Variants in NOS1AP observed in about 807,000 individuals in gnomAD.
The protein encoded by NOS1AP is nitric oxide synthase 1 adaptor protein.
NOS1AP carries 21 observed loss-of-function variants against 56.2 expected under a neutral mutation model. That is an observed-to-expected ratio of 0.37 (90% CI 0.26 to 0.54). The LOEUF (loss-of-function observed/expected upper bound fraction) is 0.54, where lower values mean the gene tolerates loss of function less well. Ranked by LOEUF, NOS1AP falls within the 20% of genes least tolerant of loss-of-function variation. The pLI, the probability that NOS1AP is intolerant of heterozygous loss-of-function variation, is 0.84. For synonymous variants in NOS1AP, 270 were observed against 274.6 expected (o/e 0.98, Z 0.17); for missense variants, 522 against 657.8 (o/e 0.79, Z 2.26).
At chr1:162,256,553 C>T (rs77676017) in intron 2 of NOS1AP, among the ~76,000 whole-genome samples, 5,884 of 152,224 alleles carry the variant, frequency 0.039, 254 homozygotes, top group African/African-American at 0.11. Context: ...TTGTACTTGG[C>T]CACATTTGCT....
chr1:162,364,820 A>G (rs1047434329), intron 8 of NOS1AP: 1 of 988,046 alleles, frequency 1.0e-6, no homozygotes, highest in Admixed American at 5.9e-5. Context: ...CAGCTGCCTC[A>G]CTAATTTAAA....
intron 2 of NOS1AP, among the ~76,000 whole-genome samples, chr1:162,268,837 A>T (rs923982288): frequency 1.6e-4 from 25 of 152,138 alleles, no homozygotes; most frequent in Admixed American, 6.5e-5. Context: ...GAATAGAAAT[A>T]CAAGTTAGAA....
At chr1:162,140,790 A>G (rs762108183) in intron 1 of NOS1AP, among the ~76,000 whole-genome samples, 1 of 152,046 alleles carries the variant, frequency 6.6e-6, no homozygotes, top group Non-Finnish European at 1.5e-5. Flanking sequence ...CCTTTTCTCC[A>G]CAACCTGACC....
chr1:162,203,448 G>A (rs1486265303), intron 2 of NOS1AP, among the ~76,000 whole-genome samples: 1 of 152,148 alleles, frequency 6.6e-6, no homozygotes, highest in Non-Finnish European at 1.5e-5. Context: ...CATCTACAAA[G>A]TATCTACTTT....
At chr1:162,111,380 C>T (rs1056488507) in intron 1 of NOS1AP, among the ~76,000 whole-genome samples, 1 of 152,224 alleles carries the variant, frequency 6.6e-6, no homozygotes, top group Non-Finnish European at 1.5e-5. Context: ...ATCCTCATCC[C>T]AGCCCCCTGG....
intron 1 of NOS1AP, among the ~76,000 whole-genome samples, chr1:162,115,915 G>A (rs1647931169): frequency 6.6e-6 from 1 of 152,152 alleles, no homozygotes; most frequent in Non-Finnish European, 1.5e-5. Context: ...CTGAGAATTT[G>A]TACTGGTCTC....
intron 2 of NOS1AP, among the ~76,000 whole-genome samples, chr1:162,237,219 A>G (rs1199629753): frequency 1.3e-5 from 2 of 152,206 alleles, no homozygotes; most frequent in Non-Finnish European, 2.9e-5. Context: ...TAACTGGGCA[A>G]ATTCTCATTA....
At chr1:162,126,593 G>A (rs1208007375) in intron 1 of NOS1AP, among the ~76,000 whole-genome samples, 1 of 150,398 alleles carries the variant, frequency 6.6e-6, no homozygotes, top group Non-Finnish European at 1.5e-5. Context: ...AATCATCCAT[G>A]CAAGTATATG....
chr1:162,081,320 C>T (rs1292496163), intron 1 of NOS1AP, among the ~76,000 whole-genome samples: 1 of 151,998 alleles, frequency 6.6e-6, no homozygotes, highest in African/African-American at 2.4e-5. Flanking sequence ...CATTGGGCAA[C>T]GGGTCACCTG....
chr1:162,290,949 A>G, intron 3 of NOS1AP, among the ~76,000 whole-genome samples: 1 of 151,790 alleles, frequency 6.6e-6, no homozygotes, highest in Non-Finnish European at 1.5e-5. Context: ...CAGCTCTGGA[A>G]CCATGCTTTT....
intron 2 of NOS1AP, among the ~76,000 whole-genome samples, chr1:162,269,162 C>T (rs1654512084): frequency 6.6e-6 from 1 of 152,206 alleles, no homozygotes; most frequent in African/African-American, 2.4e-5. Flanking sequence ...GAGGGGGCCA[C>T]AAAACCAGAG....
chr1:162,168,856 C>A (rs1358699538), intron 2 of NOS1AP, among the ~76,000 whole-genome samples: 1 of 152,060 alleles, frequency 6.6e-6, no homozygotes. Context: ...AATAAGAGGC[C>A]TAAGGGGCTG....
chr1:162,363,947 G>T (rs145408027), intron 8 of NOS1AP: 1 of 985,260 alleles, frequency 1.0e-6, no homozygotes, highest in Non-Finnish European at 1.2e-6. Flanking sequence ...TAGGGTCAAC[G>T]GCAAGGTCAG....
intron 8 of NOS1AP, chr1:162,360,691 C>A (rs891770788): frequency 1.3e-5 from 5 of 397,952 alleles, no homozygotes; most frequent in African/African-American, 8.2e-5. Context: ...CCACCCCAGG[C>A]CCTCTATTTA....
chr1:162,354,673 T>A (rs183041539), intron 6 of NOS1AP, among the ~76,000 whole-genome samples: 1 of 152,200 alleles, frequency 6.6e-6, no homozygotes, highest in African/African-American at 2.4e-5. Flanking sequence ...CAGCCTCACA[T>A]CTCCCTGCCT....
intron 2 of NOS1AP, among the ~76,000 whole-genome samples, chr1:162,232,776 GTACCTATTA>G (rs1653164299): frequency 6.6e-6 from 1 of 151,914 alleles, no homozygotes; most frequent in Non-Finnish European, 1.5e-5. Flanking sequence ...TACCTATTAT[GTACCTATTA>G]TGTACCTTTA....
intron 1 of NOS1AP, among the ~76,000 whole-genome samples, chr1:162,116,670 A>G (rs1647968811): frequency 6.6e-6 from 1 of 152,194 alleles, no homozygotes; most frequent in South Asian, 2.1e-4. Context: ...CAGAGATGAC[A>G]CATAGGGAAA....
chr1:162,104,671 T>G (rs760808990), intron 1 of NOS1AP, among the ~76,000 whole-genome samples: 1 of 152,208 alleles, frequency 6.6e-6, no homozygotes, highest in Admixed American at 6.5e-5. Context: ...GTCTCTGAGA[T>G]TCTTTCTTTC....
At chr1:162,101,367 G>A (rs1251278745) in intron 1 of NOS1AP, among the ~76,000 whole-genome samples, 2 of 152,178 alleles carry the variant, frequency 1.3e-5, no homozygotes, top group African/African-American at 4.8e-5. Context: ...AAGTTAGCAT[G>A]ATGCCTCCAG....
Sources: gnomAD v4.1 joint callset for allele counts (sites outside exome capture counted in the v4.1 genomes callset) on GRCh38, gnomAD v4.1.1 for gene constraint, MANE v1.5 for transcripts, NCBI Gene and HGNC (gene_info 2026-07-23, HGNC 2026-07-21) for gene names.